The following EEIG2 variants were observed in gnomAD, a reference collection of about 807,000 sequenced individuals.
EEIG2 encodes the protein EEIG family member 2.
the EEIG2 span, among the ~76,000 whole-genome samples, chr1:108,574,095 A>G: frequency 2.6e-5 from 4 of 152,178 alleles, no homozygotes; most frequent in African/African-American, 4.8e-5. Flanking sequence ...AAATAACTGA[A>G]AGGTAGAAGA....
the EEIG2 span, among the ~76,000 whole-genome samples, chr1:108,604,983 C>T: frequency 6.6e-6 from 1 of 151,838 alleles, no homozygotes; most frequent in South Asian, 2.1e-4. Context: ...TTTGAGGTTT[C>T]AGTGAGCTGT....
chr1:108,599,833 C>A, the EEIG2 span, among the ~76,000 whole-genome samples: 1 of 152,224 alleles, frequency 6.6e-6, no homozygotes, highest in East Asian at 1.9e-4. Flanking sequence ...CTCTTAAAAA[C>A]ACAAAAAAAT....
At chr1:108,586,564 A>G in the EEIG2 span, among the ~76,000 whole-genome samples, 1 of 152,042 alleles carries the variant, frequency 6.6e-6, no homozygotes, top group African/African-American at 2.4e-5. Flanking sequence ...TCTTTTTACC[A>G]TGTGGGTGAG....
At chr1:108,564,340 C>T in the EEIG2 span, among the ~76,000 whole-genome samples, 1 of 152,154 alleles carries the variant, frequency 6.6e-6, no homozygotes, top group Non-Finnish European at 1.5e-5. Flanking sequence ...ACCTGAACTC[C>T]GAGGTGTCTC....
the EEIG2 span, among the ~76,000 whole-genome samples, chr1:108,561,857 G>A: frequency 6.6e-6 from 1 of 152,176 alleles, no homozygotes; most frequent in Non-Finnish European, 1.5e-5. Flanking sequence ...TTGCCCTGAG[G>A]CCTAGACTGT....
At chr1:108,635,014 C>T in the EEIG2 span, 1 of 1,147,204 alleles carries the variant, frequency 8.7e-7, no homozygotes, top group Non-Finnish European at 1.3e-6. Flanking sequence ...TAGAAAAATA[C>T]CCAGTGCCCC....
chr1:108,629,451 CAT>C, the EEIG2 span: 1 of 552,016 alleles, frequency 1.8e-6, no homozygotes, highest in Non-Finnish European at 3.2e-6. Context: ...TATTTTAAAA[CAT>C]GTATATAACT....
At chr1:108,600,731 T>C in the EEIG2 span, 2 of 1,557,682 alleles carry the variant, frequency 1.3e-6, no homozygotes, top group Non-Finnish European at 1.8e-6. Context: ...AAACCATAAT[T>C]AGTTCCGTAG....
chr1:108,589,250 T>G, the EEIG2 span, among the ~76,000 whole-genome samples: 2 of 152,204 alleles, frequency 1.3e-5, no homozygotes, highest in Non-Finnish European at 2.9e-5. Context: ...CTGTTAGTGC[T>G]GACAGGTTCT....
At chr1:108,636,774 G>C in the EEIG2 span, 2 of 147,904 alleles carry the variant, frequency 1.4e-5, no homozygotes, top group South Asian at 4.2e-4. Context: ...GACTTAAGTG[G>C]TAAAGACTTG....
the EEIG2 span, among the ~76,000 whole-genome samples, chr1:108,599,270 A>C: frequency 1.3e-5 from 2 of 152,136 alleles, no homozygotes; most frequent in Non-Finnish European, 2.9e-5. Context: ...TCACCACAGC[A>C]GTTTTCCTGT....
At chr1:108,561,062 C>G in the EEIG2 span, among the ~76,000 whole-genome samples, 1 of 152,140 alleles carries the variant, frequency 6.6e-6, no homozygotes, top group African/African-American at 2.4e-5. Flanking sequence ...TCCTGGCAGA[C>G]GAGACAACGG....
At chr1:108,616,392 G>T in the EEIG2 span, 1 of 1,600,436 alleles carries the variant, frequency 6.2e-7, no homozygotes, top group Non-Finnish European at 8.6e-7. Context: ...GTTTTGATCA[G>T]TATGCAACTG....
chr1:108,560,698 G>A, the EEIG2 span: 2 of 1,101,224 alleles, frequency 1.8e-6, no homozygotes, highest in Non-Finnish European at 2.5e-6. Context: ...TTATTGATCT[G>A]CAAAGTGCTT....
the EEIG2 span, among the ~76,000 whole-genome samples, chr1:108,609,758 A>C: frequency 6.6e-6 from 1 of 152,208 alleles, no homozygotes; most frequent in African/African-American, 2.4e-5. Flanking sequence ...TTTCAGGGAC[A>C]TGGATGGATC....
At chr1:108,631,745 T>G in the EEIG2 span, among the ~76,000 whole-genome samples, 1 of 152,222 alleles carries the variant, frequency 6.6e-6, no homozygotes, top group African/African-American at 2.4e-5. Flanking sequence ...TCAATTCTTA[T>G]GTAGTAGTAT....
chr1:108,624,384 C>T, the EEIG2 span, among the ~76,000 whole-genome samples: 1 of 150,666 alleles, frequency 6.6e-6, no homozygotes, highest in African/African-American at 2.4e-5. Context: ...CTGACAGAGG[C>T]CTCTCTTTTT....
At chr1:108,626,018 T>C in the EEIG2 span, 2 of 152,288 alleles carry the variant, frequency 1.3e-5, no homozygotes, top group Non-Finnish European at 2.9e-5. Flanking sequence ...TGTTCTGGTC[T>C]TATCTGATGG....
chr1:108,637,029 C>T, the EEIG2 span: 2 of 152,128 alleles, frequency 1.3e-5, no homozygotes, highest in South Asian at 4.1e-4. Flanking sequence ...GGACATTCAT[C>T]AGACACGTAA....
Sources: gnomAD v4.1 joint callset for allele counts (sites outside exome capture counted in the v4.1 genomes callset) on GRCh38, gnomAD v4.1.1 for gene constraint, MANE v1.5 for transcripts, NCBI Gene and HGNC (gene_info 2026-07-23, HGNC 2026-07-21) for gene names.